Variants in LHX2 observed in about 807,000 individuals in gnomAD.
LHX2 encodes the protein LIM/homeobox protein Lhx2.
A neutral mutation model predicts 33.0 loss-of-function variants in LHX2; 6 were observed. The observed-to-expected ratio is 0.18, with a 90% CI of 0.10 to 0.36. The LOEUF (loss-of-function observed/expected upper bound fraction) is 0.36, where lower values mean the gene tolerates loss of function less well. Among genes scored for constraint, LHX2 ranks in the 10% least tolerant of loss-of-function variants. The probability of loss-of-function intolerance (pLI) is 1.00; values close to 1 mark genes in which losing one functional copy is unlikely to be tolerated. For missense variants in LHX2, 442 were observed against 586.2 expected, an observed-to-expected ratio of 0.75 and a Z score of 2.54; for synonymous variants, 292 against 253.1, an observed-to-expected ratio of 1.15 and a Z score of -1.46.
rs368708873 is a variant in LHX2 at position 124,012,457 on chromosome 9, G to T, written c.109G>T (p.Asp37Tyr). 1.3e-6 allele frequency: 2 copies of T among 1,521,664 alleles called. No homozygotes were observed. Among genetic ancestry groups the T allele is most frequent in the Non-Finnish European group, 1.7e-6 (2 of 1,143,624 alleles). The allele number at this position is 1,521,664 out of a possible 1,614,324, so 94.3% of individuals were successfully genotyped here. A position where few individuals can be genotyped will look rare whatever the true frequency, so the allele number is the denominator to read the frequency against. ...CATCAGCTCCGCCATCGACCGCGGC[G>T]ACACCGAGACGGTAGGCGCGCGGCT... ...PAISSAIDRG[D>Y]TETTMPSISS... is the part of the protein sequence containing the mutation. Residue 37 changes from aspartate (D) to tyrosine (Y), a missense_variant, in exon 1 of 5, where the codon GAC (aspartate) becomes TAC (tyrosine). Asp to Tyr is a radical substitution (Grantham distance 160, BLOSUM62 -3). This residue lies in a region of LHX2 where 97 missense variants were observed against 81.5 expected (regional missense o/e 1.19). Transcript: ENST00000373615. The surrounding 1 kb of genome is among the most constrained non-coding windows in gnomAD (Gnocchi z 4.3).
intron 1 of LHX2, 78 bp from the exon 2 acceptor site, chr9:124,013,883 T>TGG: frequency 7.3e-7 from 1 of 1,373,490 alleles, no homozygotes; most frequent in Non-Finnish European, 1.0e-6. Flanking sequence ...GAGGGAGTTG[T>TGG]GGGTGCCGGT....
chr9:124,030,104 G>T (rs1828687284), intron 4 of LHX2, among the ~76,000 whole-genome samples: 1 of 152,268 alleles, frequency 6.6e-6, no homozygotes, highest in African/African-American at 2.4e-5. Context: ...GGAAGATCCA[G>T]CACTGAGGAG....
At position 124,032,788 on chromosome 9, in the gene LHX2, G is replaced by T; in HGVS notation, c.*81G>T. On this transcript the variant is annotated 3_prime_UTR_variant, in exon 5 of 5. Coordinates refer to ENST00000373615, the MANE Select transcript of LHX2 (RefSeq NM_004789.4). The surrounding 1 kb of genome is among the most constrained non-coding windows in gnomAD (Gnocchi z 4.1). ...AATTCCAAGTGTATTTTAAAATAGAGGCTTTGAGCAACTAACTAACCACAT... is the reference window on the plus strand; with the variant it reads ...AATTCCAAGTGTATTTTAAAATAGATGCTTTGAGCAACTAACTAACCACAT... 7.0e-7 allele frequency: 1 copy of T among 1,435,574 alleles called. No homozygotes were observed. Among genetic ancestry groups the T allele is most frequent in the Non-Finnish European group, 9.4e-7 (1 of 1,068,158 alleles). The allele number at this position is 1,435,574 out of a possible 1,614,324, so 88.9% of individuals were successfully genotyped here. A position where few individuals can be genotyped will look rare whatever the true frequency, so the allele number is the denominator to read the frequency against.
At chr9:124,028,328 A>C (rs917783) in intron 4 of LHX2, among the ~76,000 whole-genome samples, 61,423 of 151,976 alleles carry the variant, frequency 0.4, 12,745 homozygotes, top group Admixed American at 0.49. Context: ...TGTCCTGATG[A>C]TTCTCTGTCT....
At position 124,014,982 on chromosome 9, in the gene LHX2, C is replaced by T. The variant is rs1859158776; in HGVS notation, c.324-140C>T. On this transcript the variant is annotated intron_variant, in intron 2 of 4. Coordinates refer to ENST00000373615, the MANE Select transcript of LHX2 (RefSeq NM_004789.4). The surrounding 1 kb of genome is among the most constrained non-coding windows in gnomAD (Gnocchi z 4.8). ...CTGGGTCAAAATCTAGTTCTCTCTC[C>T]CCCCCATCCTCCAAATAAAGGCCGG... 1 of 865,172 alleles carries T rather than the reference C, an allele frequency of 1.2e-6. No homozygotes were observed. Among genetic ancestry groups the T allele is most frequent in the South Asian group, 1.7e-5 (1 of 59,498 alleles). The allele number at this position is 865,172 out of a possible 1,614,324, so 53.6% of individuals were successfully genotyped here. A position where few individuals can be genotyped will look rare whatever the true frequency, so the allele number is the denominator to read the frequency against.
chr9:124,020,084 A>G (rs1307004518), intron 3 of LHX2, among the ~76,000 whole-genome samples: 1 of 152,218 alleles, frequency 6.6e-6, no homozygotes, highest in Non-Finnish European at 1.5e-5. Context: ...TCTAGGCTCA[A>G]CAGATCAAGA....
chr9:124,021,018 G>A, intron 3 of LHX2, 81 bp from the exon 4 acceptor site: 1 of 1,246,102 alleles, frequency 8.0e-7, no homozygotes, highest in East Asian at 2.4e-5. Flanking sequence ...TGAAATGTTT[G>A]GCAGTGGGTG....
chr9:124,017,731 G>T (rs1294777874), intron 3 of LHX2, among the ~76,000 whole-genome samples: 1 of 151,924 alleles, frequency 6.6e-6, no homozygotes, highest in Admixed American at 6.5e-5. Flanking sequence ...CGAGCTGGGG[G>T]CCGAGTGGGG....
At chr9:124,025,161 G>C (rs1386933655) in intron 4 of LHX2, among the ~76,000 whole-genome samples, 1 of 152,198 alleles carries the variant, frequency 6.6e-6, no homozygotes, top group African/African-American at 2.4e-5. Flanking sequence ...AGCCTTGGCC[G>C]GGCACTGTGG....
chr9:124,027,097 A>G (rs1024473736), intron 4 of LHX2, among the ~76,000 whole-genome samples: 1 of 152,224 alleles, frequency 6.6e-6, no homozygotes, highest in Non-Finnish European at 1.5e-5. Flanking sequence ...GACTTTCCCA[A>G]GAACCACAGC....
chr9:124,032,589 C>G lies in LHX2; in HGVS notation c.1103C>G (p.Thr368Arg). Residue 368 changes from threonine to arginine, a missense_variant, in exon 5 of 5, where the codon ACA becomes AGA. By Grantham distance (71) the Thr-to-Arg change is moderately conservative (BLOSUM62 -1). This residue lies in a region of LHX2 where 109 missense variants were observed against 98.7 expected (regional missense o/e 1.10). Coordinates refer to ENST00000373615, the MANE Select transcript of LHX2 (RefSeq NM_004789.4). The surrounding 1 kb of genome is among the most constrained non-coding windows in gnomAD (Gnocchi z 4.1). ...LSPSSTPTTL[T>R]DLTSPTLPTV... is the part of the protein sequence containing the mutation. ...CCCTCCAGCACGCCCACCACCCTGA[C>G]AGACTTGACTAGCCCCACCCTGCCA... 1 of 1,614,212 alleles carries G rather than the reference C, an allele frequency of 6.2e-7. No homozygotes were observed. Among genetic ancestry groups the G allele is most frequent in the Non-Finnish European group, 8.5e-7 (1 of 1,180,032 alleles).
Position 124,015,498 on chromosome 9 carries a change from G to A in LHX2, c.700G>A (p.Gly234Ser). 6.8e-7 allele frequency: 1 copy of A among 1,473,252 alleles called. No individual in the cohort carries two copies. Among genetic ancestry groups the A allele is most frequent in the Non-Finnish European group, 9.0e-7 (1 of 1,112,282 alleles). The allele number at this position is 1,473,252 out of a possible 1,614,324, so 91.3% of individuals were successfully genotyped here. A position where few individuals can be genotyped will look rare whatever the true frequency, so the allele number is the denominator to read the frequency against. ...GAGGAAACGTAAGAGCCCGGGCCCC[G>A]GTGCGGATCTGGCGGCCTACAACGC... ...RPRKRKSPGP[G>S]ADLAAYNAAL... is the part of the protein sequence containing the mutation. Residue 234 changes from glycine to serine, a missense_variant, in exon 3 of 5, where the codon GGT becomes AGT. This residue lies in a region of LHX2 where 132 missense variants were observed against 139.1 expected (regional missense o/e 0.95). Coordinates refer to ENST00000373615, the MANE Select transcript of LHX2 (RefSeq NM_004789.4). The surrounding 1 kb of genome is among the most constrained non-coding windows in gnomAD (Gnocchi z 7.9).
In LHX2 at chr9:124,012,498, A is replaced by G; in HGVS notation, c.120+30A>G. On this transcript the variant is annotated intron_variant, in intron 1 of 4. Coordinates refer to ENST00000373615, the MANE Select transcript of LHX2 (RefSeq NM_004789.4). This position sits in a 1 kb window ranked among gnomAD's most constrained non-coding sequence, Gnocchi z 4.3. Reference sequence around the variant, plus strand: ...GCGCGCGGCTGTGGGGTCGGGGCTGAGAGCTGGGATGGGGCCGGGCCAGTC... The same window carrying G: ...GCGCGCGGCTGTGGGGTCGGGGCTGGGAGCTGGGATGGGGCCGGGCCAGTC... The G allele has an allele frequency of 6.6e-7, 1 of 1,513,068 alleles. No individual in the cohort carries two copies. Among genetic ancestry groups the G allele is most frequent in the Non-Finnish European group, 8.8e-7 (1 of 1,138,492 alleles). 93.7% of individuals were successfully genotyped at this position (1,513,068 alleles called of 1,614,324 possible).
In LHX2 at chr9:124,015,176, G is replaced by C; in HGVS notation, c.378G>C (p.Glu126Asp). The change falls in exon 3 of 5, where the codon GAG becomes GAC. Residue 126 changes from glutamate to aspartate, a missense_variant. Glu to Asp is a conservative substitution (Grantham distance 45). Around this residue, in one of 5 missense-constraint regions of LHX2, gnomAD observed 72 missense variants for 171.6 expected, o/e 0.42. Transcript: ENST00000373615. The surrounding 1 kb of genome is among the most constrained non-coding windows in gnomAD (Gnocchi z 7.9). ...ARCHLGISASEMVMRARDLVY... is the reference protein window; with the variant it reads ...ARCHLGISASDMVMRARDLVY... Reference sequence around the variant, plus strand: ...GCCACCTGGGCATCTCGGCCTCGGAGATGGTGATGCGCGCTCGGGACTTGG... The same window carrying C: ...GCCACCTGGGCATCTCGGCCTCGGACATGGTGATGCGCGCTCGGGACTTGG... The C allele has an allele frequency of 6.2e-7, 1 of 1,614,096 alleles. No homozygotes were observed. Among genetic ancestry groups the C allele is most frequent in the Non-Finnish European group, 8.5e-7 (1 of 1,180,042 alleles).
At position 124,013,956 on chromosome 9, in the gene LHX2, C is replaced by T. The variant is rs1419310567; in HGVS notation, c.121-5C>T. ...CTGCTGTCTTCCGCCTCCCTCCCTT[C>T]GCAGACCATGCCGTCCATCAGCAGT... is the stretch of plus-strand genomic sequence containing the variant. On this transcript the variant is annotated splice_polypyrimidine_tract_variant and splice_region_variant and intron_variant, in intron 1 of 4. Transcript: ENST00000373615. 2 of 1,611,272 alleles carry T rather than the reference C, an allele frequency of 1.2e-6. No individual in the cohort carries two copies. The highest frequency in any genetic ancestry group is 1.7e-6 in the Non-Finnish European group (2 of 1,179,132).
intron 4 of LHX2, among the ~76,000 whole-genome samples, chr9:124,025,708 G>C (rs1206012437): frequency 6.6e-6 from 1 of 152,194 alleles, no homozygotes; most frequent in Admixed American, 6.5e-5. Context: ...TTCAGTCTGG[G>C]TGTGGTGGCT....
In LHX2 at chr9:124,014,974, T is replaced by A; in HGVS notation, c.324-148T>A. 1 of 814,668 alleles carries A rather than the reference T, an allele frequency of 1.2e-6. No individual in the cohort carries two copies. Among genetic ancestry groups the A allele is most frequent in the Non-Finnish European group, 1.9e-6 (1 of 523,920 alleles). The allele number at this position is 814,668 out of a possible 1,614,324, so 50.5% of individuals were successfully genotyped here. A position where few individuals can be genotyped will look rare whatever the true frequency, so the allele number is the denominator to read the frequency against. Reference sequence around the variant, plus strand: ...GACCAGGCCTGGGTCAAAATCTAGTTCTCTCTCCCCCCCATCCTCCAAATA... The same window carrying A: ...GACCAGGCCTGGGTCAAAATCTAGTACTCTCTCCCCCCCATCCTCCAAATA... On this transcript the variant is annotated intron_variant, in intron 2 of 4. Transcript: ENST00000373615. This position sits in a 1 kb window ranked among gnomAD's most constrained non-coding sequence, Gnocchi z 4.8.
chr9:124,026,362 G>T (rs759610147), intron 4 of LHX2, among the ~76,000 whole-genome samples: 4 of 151,918 alleles, frequency 2.6e-5, no homozygotes, highest in Non-Finnish European at 4.4e-5. Flanking sequence ...GGAGGCTGAG[G>T]CAGGAGGAGG....
At chr9:124,020,787 CTGT>C (rs139541000) in intron 3 of LHX2, among the ~76,000 whole-genome samples, 3 of 152,066 alleles carry the variant, frequency 2.0e-5, no homozygotes, top group East Asian at 3.9e-4. Flanking sequence ...CAAGTCGTAG[CTGT>C]TGTTGCTGCT....
Sources: allele counts gnomAD v4.1 joint callset (sites outside exome capture counted in the v4.1 genomes callset), GRCh38; gene constraint gnomAD v4.1.1; regional missense constraint gnomAD v4.1.1; non-coding constraint Gnocchi (gnomAD v3.1); transcripts MANE v1.5; gene names NCBI Gene and HGNC (gene_info 2026-07-23, HGNC 2026-07-21).